The following FERMT1 variants were observed in gnomAD, a reference collection of about 807,000 sequenced individuals.
FERMT1 encodes FERM domain containing kindlin 1, also known as fermitin family homolog 1.
FERMT1 carries 60 observed loss-of-function variants against 85.3 expected under a neutral mutation model. The ratio of observed to expected loss-of-function variants is 0.70; its 90% CI spans 0.57 to 0.87. The LOEUF (loss-of-function observed/expected upper bound fraction) is 0.87, where lower values mean the gene tolerates loss of function less well. Among genes scored for constraint, FERMT1 ranks in the 40% least tolerant of loss-of-function variants. FERMT1 has a pLI of 0.00. For missense variants in FERMT1, 701 were observed against 818.9 expected, an observed-to-expected ratio of 0.86 and a Z score of 1.76; for synonymous variants, 275 against 301.1, an observed-to-expected ratio of 0.91 and a Z score of 0.90.
chr20:6,121,935 A>G (rs910476424), intron 1 of FERMT1, among the ~76,000 whole-genome samples: 2 of 152,234 alleles, frequency 1.3e-5, no homozygotes, highest in South Asian at 2.1e-4. Flanking sequence ...TTCATCGTCA[A>G]ACTCATAACT....
intron 1 of FERMT1, among the ~76,000 whole-genome samples, chr20:6,120,011 G>C (rs951454884): frequency 3.9e-5 from 6 of 151,924 alleles, no homozygotes; most frequent in Non-Finnish European, 8.8e-5. Context: ...ATATACTATA[G>C]TTCAACATAT....
intron 11 of FERMT1, among the ~76,000 whole-genome samples, chr20:6,085,857 A>C (rs1458741781): frequency 6.6e-6 from 1 of 151,498 alleles, no homozygotes; most frequent in Non-Finnish European, 1.5e-5. Flanking sequence ...AAAAAAAAAA[A>C]ATACCAGGTG....
At chr20:6,078,660 T>A (rs1379272871) in intron 14 of FERMT1, among the ~76,000 whole-genome samples, 8 of 150,226 alleles carry the variant, frequency 5.3e-5, no homozygotes, top group East Asian at 1.9e-4. Context: ...TTTTTTTTTT[T>A]AATTTTCTGT....
At position 6,108,984 on chromosome 20, in the gene FERMT1, G is replaced by T. The variant is rs182635310; in HGVS notation, c.746+1314C>A. 7.2e-5 allele frequency among the ~76,000 whole-genome samples: 11 copies of T among 152,252 alleles called. 1 individual carries two copies. Among genetic ancestry groups the T allele is most frequent in the Admixed American group, 5.2e-4 (8 of 15,290 alleles). ...AATATTCATATCTGTGCTGTCTGAT[G>T]CATTAGCCCCAGCTGAATGTGGCTG... On this transcript the variant is annotated intron_variant, in intron 5 of 14. Coordinates refer to ENST00000217289, the MANE Select transcript of FERMT1 (RefSeq NM_017671.5).
intron 2 of FERMT1, among the ~76,000 whole-genome samples, chr20:6,117,435 AT>A (rs200977686): frequency 0.52 from 64,853 of 124,638 alleles, 16,921 homozygotes; most frequent in South Asian, 0.67. Context: ...TGTCAGTCTA[AT>A]TTTTTTTTTT....
intron 4 of FERMT1, among the ~76,000 whole-genome samples, chr20:6,110,745 G>C (rs963791256): frequency 1.3e-5 from 2 of 152,006 alleles, no homozygotes; most frequent in African/African-American, 4.8e-5. Flanking sequence ...GGGCAACATA[G>C]CAAGACTTCA....
chr20:6,081,053 G>A (rs1476404861), intron 13 of FERMT1, among the ~76,000 whole-genome samples: 1 of 152,094 alleles, frequency 6.6e-6, no homozygotes, highest in Non-Finnish European at 1.5e-5. Context: ...CTGGGAGGCC[G>A]AGGCAAGGGG....
rs59180891 is a variant in FERMT1, at chr20:6,107,199, C to CA, written c.849+332dup. On this transcript the variant is annotated intron_variant, in intron 6 of 14. Coordinates refer to ENST00000217289, the MANE Select transcript of FERMT1 (RefSeq NM_017671.5). Reference sequence around the variant, plus strand: ...TGACAGAGCAAGACTCTGTCTCAACCAAAAAAAAAAAAAAAAAAAAAAGAA... The same window carrying CA: ...TGACAGAGCAAGACTCTGTCTCAACCAAAAAAAAAAAAAAAAAAAAAAAGAA... 2.3e-3 allele frequency among the ~76,000 whole-genome samples: 216 copies of CA among 92,546 alleles called. 2 individuals are homozygous for CA. The highest frequency in any genetic ancestry group is 3.7e-3 in the East Asian group (11 of 2,986). 60.7% of individuals were successfully genotyped at this position (92,546 alleles called of 152,430 possible).
At chr20:6,096,807 TCAGATG>T in intron 8 of FERMT1, 89 bp downstream of exon 8, 2 of 548,204 alleles carry the variant, frequency 3.6e-6, no homozygotes, top group Non-Finnish European at 6.3e-6. Context: ...TTTTTCAAAA[TCAGATG>T]AAATATTCTC....
At chr20:6,079,393 C>A in intron 14 of FERMT1, 43 bp downstream of exon 14, 3 of 1,607,190 alleles carry the variant, frequency 1.9e-6, no homozygotes, top group East Asian at 2.2e-5. Context: ...GAGGGACACA[C>A]ATTTATAGGC....
intron 1 of FERMT1, among the ~76,000 whole-genome samples, chr20:6,120,197 G>A (rs977155334): frequency 6.6e-6 from 1 of 151,762 alleles, no homozygotes; most frequent in Non-Finnish European, 1.5e-5. Context: ...TCCTATTTCA[G>A]TCATTATAAT....
At chr20:6,095,315 A>C (rs1452146065) in intron 8 of FERMT1, among the ~76,000 whole-genome samples, 1 of 152,072 alleles carries the variant, frequency 6.6e-6, no homozygotes, top group Non-Finnish European at 1.5e-5. Context: ...ACATATGTGT[A>C]TTTTTCACTT....
intron 6 of FERMT1, among the ~76,000 whole-genome samples, chr20:6,100,120 CAAAG>C (rs754442584): frequency 5.3e-5 from 8 of 151,574 alleles, no homozygotes; most frequent in South Asian, 2.1e-4. Context: ...ATAAAAAAGT[CAAAG>C]AAAAAATCCC....
At chr20:6,097,472 G>T in intron 7 of FERMT1, 52 bp downstream of exon 7, 1 of 1,302,080 alleles carries the variant, frequency 7.7e-7, no homozygotes, top group Non-Finnish European at 1.1e-6. Flanking sequence ...ACTTCAAGCA[G>T]AACAAACTTG....
chr20:6,099,034 A>C (rs562276045), intron 6 of FERMT1, among the ~76,000 whole-genome samples: 1 of 152,356 alleles, frequency 6.6e-6, no homozygotes, highest in East Asian at 1.9e-4. Context: ...ATAATAGCCA[A>C]AAGGTAGAAA....
At chr20:6,097,311 G>C (rs1982533053) in intron 7 of FERMT1, among the ~76,000 whole-genome samples, 1 of 152,206 alleles carries the variant, frequency 6.6e-6, no homozygotes, top group African/African-American at 2.4e-5. Flanking sequence ...CAGAGGATGT[G>C]AGCGTGTGTG....
chr20:6,104,830 A>G lies in FERMT1; in HGVS notation c.849+2702T>C, dbSNP rs1289436542. Among the ~76,000 whole-genome samples the G allele has an allele frequency of 6.6e-6, 1 of 152,212 alleles. No homozygotes were observed. Among genetic ancestry groups the G allele is most frequent in the African/African-American group, 2.4e-5 (1 of 41,446 alleles). On this transcript the variant is annotated intron_variant, in intron 6 of 14. Coordinates refer to ENST00000217289, the MANE Select transcript of FERMT1 (RefSeq NM_017671.5). This position sits in a 1 kb window ranked among gnomAD's most constrained non-coding sequence, Gnocchi z 4.2. ...ACCCTGCTCCTCTATATTTATACCA[A>G]TGATCTGCCATTATCTGGCTTATTT...
chr20:6,076,060 CA>C lies in FERMT1; in HGVS notation c.*1112del, dbSNP rs1347983266. On this transcript the variant is annotated 3_prime_UTR_variant, in exon 15 of 15. Transcript: ENST00000217289. Reference sequence around the variant, plus strand: ...AAGTCTATTATTGGCTTGTGATTTACAAAAGCCAAAGTCCTTTAGATAAAAG... The same window carrying C: ...AAGTCTATTATTGGCTTGTGATTTACAAAGCCAAAGTCCTTTAGATAAAAG... 1 of 156,638 alleles carries C rather than the reference CA, an allele frequency of 6.4e-6. No individual in the cohort carries two copies. Among genetic ancestry groups the C allele is most frequent in the Non-Finnish European group, 1.4e-5 (1 of 70,902 alleles). 9.7% of individuals were successfully genotyped at this position (156,638 alleles called of 1,614,324 possible). A position where few individuals can be genotyped will look rare whatever the true frequency, so the allele number is the denominator to read the frequency against.
chr20:6,090,302 T>C (rs902347538), intron 9 of FERMT1, among the ~76,000 whole-genome samples: 2 of 152,070 alleles, frequency 1.3e-5, no homozygotes, highest in African/African-American at 4.8e-5. Flanking sequence ...CTCGATCTCC[T>C]GACCTTGTGA....
Sources: allele counts gnomAD v4.1 joint callset (sites outside exome capture counted in the v4.1 genomes callset), GRCh38; gene constraint gnomAD v4.1.1; non-coding constraint Gnocchi (gnomAD v3.1); transcripts MANE v1.5; gene names NCBI Gene and HGNC (gene_info 2026-07-23, HGNC 2026-07-21).